TBC1D1: variants seen among roughly 807,000 people sequenced by gnomAD.
TBC1D1 encodes the protein TBC1 (tre-2/USP6, BUB2, cdc16) domain family, member 1.
Under a neutral mutation model 125.6 loss-of-function variants are expected in TBC1D1, and 89 were observed. The observed-to-expected ratio is 0.71, with a 90% CI of 0.60 to 0.85. The LOEUF (loss-of-function observed/expected upper bound fraction) is 0.85. Among genes scored for constraint, TBC1D1 ranks in the 40% least tolerant of loss-of-function variants. The pLI, the probability that TBC1D1 is intolerant of heterozygous loss-of-function variation, is 0.00. For missense variants in TBC1D1, 1,377 were observed against 1,469.2 expected, an observed-to-expected ratio of 0.94 and a Z score of 1.03; for synonymous variants, 565 against 564.1, an observed-to-expected ratio of 1.00 and a Z score of -0.02.
At chr4:37,964,489 C>A (rs1272083781) in intron 2 of TBC1D1, among the ~76,000 whole-genome samples, 2 of 152,242 alleles carry the variant, frequency 1.3e-5, no homozygotes, top group African/African-American at 4.8e-5. Flanking sequence ...TTCCTAGGCA[C>A]TGAGGTCAGG....
At chr4:38,053,187 A>G in intron 11 of TBC1D1, 1 of 1,530,724 alleles carries the variant, frequency 6.5e-7, no homozygotes, top group Non-Finnish European at 8.8e-7. Context: ...TGGCTCCTGT[A>G]GATGAAAATA....
At chr4:38,114,660 G>C (rs1275016049) in intron 15 of TBC1D1, among the ~76,000 whole-genome samples, 1 of 152,214 alleles carries the variant, frequency 6.6e-6, no homozygotes, top group Non-Finnish European at 1.5e-5. Context: ...CATTCCAGAG[G>C]AGGAGGAAGA....
intron 2 of TBC1D1, among the ~76,000 whole-genome samples, chr4:37,940,953 G>A (rs545188117): frequency 1.2e-4 from 18 of 152,094 alleles, no homozygotes; most frequent in Non-Finnish European, 2.1e-4. Context: ...TTTTTGCATC[G>A]ATATTCATCA....
chr4:37,980,883 C>A lies in TBC1D1; in HGVS notation c.418-33626C>A, dbSNP rs191917142. 5.3e-5 allele frequency among the ~76,000 whole-genome samples: 8 copies of A among 152,110 alleles called. No homozygotes were observed. The East Asian group carries it at 1.5e-3, about 29-fold the overall frequency. Reference sequence around the variant, plus strand: ...AATTCACTCTGCACAATAGATTATCCTTTAAAAAGTGTGCACCCTGGAGAT... The same window carrying A: ...AATTCACTCTGCACAATAGATTATCATTTAAAAAGTGTGCACCCTGGAGAT... On this transcript the variant is annotated intron_variant, in intron 2 of 19. Transcript: ENST00000261439.
intron 18 of TBC1D1, among the ~76,000 whole-genome samples, chr4:38,126,179 GTATTTGTGTATCTAAACA>G (rs1233085509): frequency 6.6e-6 from 1 of 152,176 alleles, no homozygotes; most frequent in Non-Finnish European, 1.5e-5. Context: ...ACAAGGTGGA[GTATTTGTGTATCTAAACA>G]TAACTAAACA....
At chr4:38,129,739 A>G (rs1486157024) in intron 18 of TBC1D1, among the ~76,000 whole-genome samples, 1 of 152,230 alleles carries the variant, frequency 6.6e-6, no homozygotes, top group Non-Finnish European at 1.5e-5. Context: ...TTCACCGAAG[A>G]GGAGATATCT....
Position 37,946,998 on chromosome 4 carries a change from C to T in TBC1D1, c.417+44486C>T, listed in dbSNP as rs116480156. ...ATGTCTGGCAACAGGTGGTAAATGG[C>T]ATGCGACTCAACAATAAAAAGGGAT... On this transcript the variant is annotated intron_variant, in intron 2 of 19. Coordinates refer to ENST00000261439, the MANE Select transcript of TBC1D1 (RefSeq NM_015173.4). Among the ~76,000 whole-genome samples, 361 of 152,228 alleles carry T rather than the reference C, an allele frequency of 2.4e-3. 2 individuals carry two copies. Among genetic ancestry groups the T allele is most frequent in the African/African-American group, 7.3e-3 (303 of 41,530 alleles).
At chr4:37,994,182 A>C (rs922079590) in intron 2 of TBC1D1, among the ~76,000 whole-genome samples, 3 of 152,204 alleles carry the variant, frequency 2.0e-5, no homozygotes, top group Non-Finnish European at 4.4e-5. Flanking sequence ...GGTGCTCGAA[A>C]CTTTTTAAGG....
chr4:38,135,924 ATGTGTGTGTG>A (rs57275262), intron 19 of TBC1D1, among the ~76,000 whole-genome samples: 14 of 144,984 alleles, frequency 9.7e-5, no homozygotes, highest in South Asian at 2.2e-4. Context: ...GTGTGTGTAT[ATGTGTGTGTG>A]TGTGTGTGTG....
chr4:38,050,392 A>G (rs1052954525), intron 11 of TBC1D1, among the ~76,000 whole-genome samples: 1 of 152,254 alleles, frequency 6.6e-6, no homozygotes, highest in African/African-American at 2.4e-5. Context: ...AATTCTCTGA[A>G]TAACAAAATT....
intron 2 of TBC1D1, among the ~76,000 whole-genome samples, chr4:37,993,088 G>A (rs1297172794): frequency 6.6e-6 from 1 of 152,190 alleles, no homozygotes; most frequent in African/African-American, 2.4e-5. Flanking sequence ...ACAGGCGTGA[G>A]CCACCGCGCC....
chr4:38,049,845 A>G lies in TBC1D1; in HGVS notation c.1857A>G (p.Gln619=), dbSNP rs759574737. 3.5e-5 allele frequency: 57 copies of G among 1,613,952 alleles called. No individual in the cohort carries two copies. Among genetic ancestry groups the G allele is most frequent in the Non-Finnish European group, 4.7e-5 (56 of 1,180,002 alleles). ...CCCGGGGGTCCCCGGGGGTTTCGCA[A>G]AGGAAACTTATGAGGTATCACTCAG... Residue 619 remains glutamine, a synonymous_variant, in exon 11 of 20, where the codon CAA becomes CAG. Transcript: ENST00000261439.
chr4:37,919,475 C>T lies in TBC1D1; in HGVS notation c.417+16963C>T, dbSNP rs114642970. ...TGCTGGGATTACAGACATAAGCCACCGCGCCTGGCTAAGGTTATATATTTT... is the reference window on the plus strand; with the variant it reads ...TGCTGGGATTACAGACATAAGCCACTGCGCCTGGCTAAGGTTATATATTTT... On this transcript the variant is annotated intron_variant, in intron 2 of 19. Transcript: ENST00000261439. 2.6e-3 allele frequency among the ~76,000 whole-genome samples: 398 copies of T among 152,058 alleles called. 1 individual carries two copies. The highest frequency in any genetic ancestry group is 8.2e-3 in the African/African-American group (342 of 41,458).
intron 14 of TBC1D1, among the ~76,000 whole-genome samples, chr4:38,099,014 G>GAT (rs1759845841): frequency 1.3e-5 from 2 of 152,180 alleles, no homozygotes; most frequent in Admixed American, 1.3e-4. Context: ...AAGATATCTA[G>GAT]ATAGAACCTT....
chr4:38,109,753 G>A (rs934848603), intron 15 of TBC1D1, among the ~76,000 whole-genome samples: 3 of 152,220 alleles, frequency 2.0e-5, no homozygotes, highest in Non-Finnish European at 2.9e-5. Context: ...GGAAGCACAC[G>A]TTCTAGTGGG....
At chr4:38,013,275 C>G (rs1014263856) in intron 2 of TBC1D1, among the ~76,000 whole-genome samples, 1 of 152,058 alleles carries the variant, frequency 6.6e-6, no homozygotes, top group Non-Finnish European at 1.5e-5. Flanking sequence ...AAAAATCTTT[C>G]GAGTCATTGG....
intron 8 of TBC1D1, among the ~76,000 whole-genome samples, chr4:38,042,353 C>T (rs764181757): frequency 2.0e-5 from 3 of 151,990 alleles, no homozygotes; most frequent in Non-Finnish European, 2.9e-5. Context: ...CTCCTGGGTT[C>T]GAGCGATTCT....
At chr4:38,017,296 T>C (rs1742958101) in intron 3 of TBC1D1, among the ~76,000 whole-genome samples, 1 of 152,240 alleles carries the variant, frequency 6.6e-6, no homozygotes, top group Non-Finnish European at 1.5e-5. Flanking sequence ...AAGGAGGATA[T>C]TGTGTTGGCT....
intron 2 of TBC1D1, among the ~76,000 whole-genome samples, chr4:37,971,154 C>T (rs190908191): frequency 3.9e-5 from 6 of 152,268 alleles, no homozygotes; most frequent in Admixed American, 3.9e-4. Flanking sequence ...TCAAGTCCTC[C>T]GTTAATGTCT....
Sources: allele counts gnomAD v4.1 joint callset (sites outside exome capture counted in the v4.1 genomes callset), GRCh38; gene constraint gnomAD v4.1.1; transcripts MANE v1.5; gene names NCBI Gene and HGNC (gene_info 2026-07-23, HGNC 2026-07-21).